P2RX5: variants seen among roughly 807,000 people sequenced by gnomAD.
P2RX5 encodes the protein P2X purinoceptor 5.
A neutral mutation model predicts 54.1 loss-of-function variants in P2RX5; 46 were observed. That is an observed-to-expected ratio of 0.85 (90% CI 0.67 to 1.09). P2RX5 has a LOEUF of 1.09. P2RX5 is among the 50% of genes least tolerant of loss of function. P2RX5 has a pLI of 0.00. For synonymous variants in P2RX5, 226 were observed against 226.4 expected (o/e 1.00, Z 0.02); for missense variants, 566 against 549.8 (o/e 1.03, Z -0.29).
chr17:3,698,754 G>A (rs2050796437), upstream of P2RX5, among the ~76,000 whole-genome samples: 1 of 152,042 alleles, frequency 6.6e-6, no homozygotes, highest in African/African-American at 2.4e-5. Flanking sequence ...GAACTGTCCT[G>A]AAGCTTTAGA....
At chr17:3,688,403 C>T (rs1019547217) in intron 8 of P2RX5, among the ~76,000 whole-genome samples, 7 of 152,196 alleles carry the variant, frequency 4.6e-5, no homozygotes, top group Non-Finnish European at 8.8e-5. Flanking sequence ...CTCGGCTTCA[C>T]GGAGAGAAAC....
rs2050586489 is a variant in P2RX5 at position 3,690,624 on chromosome 17, T to C, written c.417A>G (p.Glu139=). The C allele has an allele frequency of 1.2e-6, 2 of 1,613,446 alleles. No homozygotes were observed. The highest frequency in any genetic ancestry group is 1.7e-5 in the Admixed American group (1 of 60,012). Residue 139 remains glutamate (E), a synonymous_variant, in exon 4 of 12, where the codon GAA becomes GAG. Transcript: ENST00000225328. ...CCTCACCGTTTCCAGCTGTAACCGCTTCCCCAGCGTGGCAGTCGCTGTCCT... is the reference window on the plus strand; with the variant it reads ...CCTCACCGTTTCCAGCTGTAACCGCCTCCCCAGCGTGGCAGTCGCTGTCCT... ...CSKDSDCHAG[E]AVTAGNGVKT... is the part of the protein sequence containing the mutation.
intron 10 of P2RX5, among the ~76,000 whole-genome samples, chr17:3,681,198 C>G (rs2050270116): frequency 6.6e-6 from 1 of 152,126 alleles, no homozygotes; most frequent in Admixed American, 6.5e-5. Context: ...CAGGCCATAG[C>G]TGGAGTGCAG....
chr17:3,706,396 A>T, the P2RX5 span, among the ~76,000 whole-genome samples: 1 of 152,000 alleles, frequency 6.6e-6, no homozygotes, highest in Non-Finnish European at 1.5e-5. Context: ...TGCCTGGCCC[A>T]TAGAAGATTT....
At chr17:3,674,104 G>A (rs979991329) in intron 11 of P2RX5, among the ~76,000 whole-genome samples, 4 of 152,160 alleles carry the variant, frequency 2.6e-5, no homozygotes, top group Non-Finnish European at 5.9e-5. Context: ...CACGAGGTCA[G>A]GAGATCGAGA....
chr17:3,691,810 C>A lies in P2RX5; in HGVS notation c.138-16G>T, dbSNP rs370214911. On this transcript the variant is annotated splice_polypyrimidine_tract_variant and intron_variant, in intron 1 of 11. Coordinates refer to ENST00000225328, the MANE Select transcript of P2RX5 (RefSeq NM_002561.4). Reference sequence around the variant, plus strand: ...GAACACCCATCTGTGGGAAGGGGGCCGGTACGTGGGCATCAGCCACTCTGC... The same window carrying A: ...GAACACCCATCTGTGGGAAGGGGGCAGGTACGTGGGCATCAGCCACTCTGC... The A allele has an allele frequency of 1.2e-5, 19 of 1,613,884 alleles. No homozygotes were observed. The highest frequency in any genetic ancestry group is 1.7e-5 in the Admixed American group (1 of 60,000).
the P2RX5 span, among the ~76,000 whole-genome samples, chr17:3,707,822 G>A: frequency 2.0e-5 from 3 of 152,110 alleles, no homozygotes; most frequent in Non-Finnish European, 4.4e-5. Flanking sequence ...ACTTTGGGAG[G>A]CCGAGGCAGG....
the P2RX5 span, among the ~76,000 whole-genome samples, chr17:3,701,248 T>C: frequency 8.5e-5 from 13 of 152,342 alleles, no homozygotes; most frequent in African/African-American, 3.1e-4. Context: ...TTGTTTTTTT[T>C]AGCTCATCAG....
In P2RX5 at chr17:3,679,664, T is replaced by C. The variant is rs1259707327; in HGVS notation, c.1185A>G (p.Pro395=). 1 of 1,611,298 alleles carries C rather than the reference T, an allele frequency of 6.2e-7. No homozygotes were observed. The highest frequency in any genetic ancestry group is 1.1e-5 in the South Asian group (1 of 91,088). Residue 395 remains proline (P), a synonymous_variant, in exon 11 of 12, where the codon CCA becomes CCG. Coordinates refer to ENST00000225328, the MANE Select transcript of P2RX5 (RefSeq NM_002561.4). The part of the protein sequence containing the change: ...GMPEQQELQE[P]PEAKRGSSSQ... Reference sequence around the variant, plus strand: ...TGCTGCTTCCACGCTTCGCCTCGGGTGGCTCCTGCAGCTCCTGCTGCTCCG... The same window carrying C: ...TGCTGCTTCCACGCTTCGCCTCGGGCGGCTCCTGCAGCTCCTGCTGCTCCG...
Position 3,691,018 on chromosome 17 carries a change from C to A in P2RX5, c.298G>T (p.Val100Phe), listed in dbSNP as rs374811457. Residue 100 changes from valine to phenylalanine, a missense_variant, in exon 3 of 12, where the codon GTC (valine) becomes TTC (phenylalanine). Transcript: ENST00000225328. ...ATCAGGTTGGTGACCACAAAAAAGA[C>A]GTTCTCTCCCTAAGGAACCAGAGAG... is the stretch of plus-strand genomic sequence containing the variant. ...DYVIPAQGEN[V>F]FFVVTNLIVT... 1.1e-5 allele frequency: 18 copies of A among 1,612,222 alleles called. No individual in the cohort carries two copies. The highest frequency in any genetic ancestry group is 5.3e-5 in the African/African-American group (4 of 74,916).
intron 1 of P2RX5, among the ~76,000 whole-genome samples, chr17:3,694,617 C>A (rs1006846535): frequency 4.6e-5 from 7 of 152,260 alleles, no homozygotes; most frequent in Admixed American, 4.6e-4. Flanking sequence ...AGAGCCCCCC[C>A]TGAGACCCCG....
At chr17:3,706,255 T>C in the P2RX5 span, among the ~76,000 whole-genome samples, 1 of 151,688 alleles carries the variant, frequency 6.6e-6, no homozygotes, top group Admixed American at 6.6e-5. Flanking sequence ...GCCTGGCCCC[T>C]GGGTAATTTT....
intron 1 of P2RX5, among the ~76,000 whole-genome samples, chr17:3,695,279 G>T (rs534105661): frequency 6.6e-6 from 1 of 152,224 alleles, no homozygotes; most frequent in Non-Finnish European, 1.5e-5. Flanking sequence ...GAGGATGGGG[G>T]AAGGGGATGG....
chr17:3,674,249 T>C (rs1289511199), intron 11 of P2RX5, among the ~76,000 whole-genome samples: 1 of 151,484 alleles, frequency 6.6e-6, no homozygotes, highest in Non-Finnish European at 1.5e-5. Context: ...AGGCGGAGCT[T>C]GCAGTGAGCC....
intron 11 of P2RX5, chr17:3,676,527 C>G: frequency 1.0e-6 from 1 of 985,320 alleles, no homozygotes. Context: ...CATACTGCTG[C>G]TTTCAGGGTG....
the P2RX5 span, among the ~76,000 whole-genome samples, chr17:3,719,596 C>G: frequency 5.3e-5 from 8 of 152,186 alleles, no homozygotes; most frequent in Non-Finnish European, 1.2e-4. Flanking sequence ...GTTCCAGTAT[C>G]TAGTCTAAAT....
At chr17:3,678,762 C>A (rs888256821) in intron 11 of P2RX5, among the ~76,000 whole-genome samples, 1 of 152,208 alleles carries the variant, frequency 6.6e-6, no homozygotes, top group African/African-American at 2.4e-5. Flanking sequence ...AAGAGAGTCA[C>A]AGAACCCCAG....
upstream of P2RX5, among the ~76,000 whole-genome samples, chr17:3,699,095 C>CACACACACACACACACACACATA (rs60173844): frequency 5.0e-5 from 5 of 100,256 alleles, no homozygotes; most frequent in East Asian, 7.8e-4. Flanking sequence ...ACACACACAC[C>CACACACACACACACACACACATA]TATATATATA....
rs374225136 is a variant in P2RX5, at chr17:3,690,382, C to A, written c.533+45G>T. ...CACCCTCAGGCTGGGACCCACCGCA[C>A]GGGGCTGGGAAACCCCTCAGGGTCC... On this transcript the variant is annotated intron_variant, in intron 5 of 11. Transcript: ENST00000225328. 7 of 1,464,118 alleles carry A rather than the reference C, an allele frequency of 4.8e-6. No individual in the cohort carries two copies. The South Asian group carries it at 7.0e-5, about 15-fold the overall frequency. 90.7% of individuals were successfully genotyped at this position (1,464,118 alleles called of 1,614,324 possible).
Sources: gnomAD v4.1 joint callset for allele counts (sites outside exome capture counted in the v4.1 genomes callset) on GRCh38, gnomAD v4.1.1 for gene constraint, MANE v1.5 for transcripts, NCBI Gene and HGNC (gene_info 2026-07-23, HGNC 2026-07-21) for gene names.